Variants in CCDC142 observed in about 807,000 individuals in gnomAD.
CCDC142 encodes coiled-coil domain containing 142.
A neutral mutation model predicts 83.8 loss-of-function variants in CCDC142; 67 were observed. The ratio of observed to expected loss-of-function variants is 0.80; its 90% confidence interval spans 0.66 to 0.98. CCDC142 has a LOEUF of 0.98. Ranked by LOEUF, CCDC142 falls within the 50% of genes least tolerant of loss-of-function variation. The pLI, the probability that CCDC142 is intolerant of heterozygous loss-of-function variation, is 0.00. For missense variants in CCDC142, 905 were observed against 946.8 expected (o/e 0.96, Z 0.58); for synonymous variants, 421 against 421.2 (o/e 1.00, Z 0.01).
chr2:74,481,296 CA>C lies in CCDC142; in HGVS notation c.1184del (p.Leu395CysfsTer32). 6.2e-7 allele frequency: 1 copy of C among 1,614,142 alleles called. No individual in the cohort carries two copies. Among genetic ancestry groups the C allele is most frequent in the Non-Finnish European group, 8.5e-7 (1 of 1,180,026 alleles). On this transcript the variant is annotated frameshift_variant, in exon 3 of 9. Transcript: ENST00000393965. LOFTEE classifies it high-confidence loss of function. The part of the protein sequence containing the change: ...LPTSSGTAEL[L>X]QQLFPPLLDA... ...CCAAGAGAGGAGGAAAGAGCTGCTG[CA>C]AAAGTTCAGCAGTGCCAGAGGATGT...
At position 74,475,325 on chromosome 2, in the gene CCDC142, C is replaced by G. The variant is rs1245856062; in HGVS notation, c.1696G>C (p.Gly566Arg). 1.2e-6 allele frequency: 2 copies of G among 1,613,602 alleles called. No homozygotes were observed. The highest frequency in any genetic ancestry group is 1.7e-6 in the Non-Finnish European group (2 of 1,179,642). The change falls in exon 7 of 9, where the codon GGG (glycine) becomes CGG (arginine). Residue 566 changes from glycine (G) to arginine (R), a missense_variant. By Grantham distance (125) the Gly-to-Arg change is moderately radical (BLOSUM62 -2). Coordinates refer to ENST00000393965, the MANE Select transcript of CCDC142 (RefSeq NM_001365575.2). ...GGGGCCTGGGCTTGAGGTGGCAACC[C>G]TTGCAATCCTTGCAACACAGGCTCC... Reference protein sequence around the residue: ...VLEPVLQGLQGLPPQAQAPAL... With the variant: ...VLEPVLQGLQRLPPQAQAPAL...
At position 74,482,884 on chromosome 2, in the gene CCDC142, C is replaced by A; in HGVS notation, c.-47G>T. 2 of 1,570,834 alleles carry A rather than the reference C, an allele frequency of 1.3e-6. No homozygotes were observed. Among genetic ancestry groups the A allele is most frequent in the Non-Finnish European group, 8.6e-7 (1 of 1,163,256 alleles). ...ACCTAACGATTCCCACTTCCCTGCA[C>A]GGACCAACGCCCGCCGCAGCTCGGA... On this transcript the variant is annotated 5_prime_UTR_variant, in exon 1 of 9. Coordinates refer to ENST00000393965, the MANE Select transcript of CCDC142 (RefSeq NM_001365575.2). The surrounding 1 kb of genome is among the most constrained non-coding windows in gnomAD (Gnocchi z 5.0).
chr2:74,480,640 A>C, intron 5 of CCDC142, 129 bp downstream of exon 5: 2 of 627,554 alleles, frequency 3.2e-6, no homozygotes, highest in Non-Finnish European at 5.4e-6. Flanking sequence ...GAACAGAGCA[A>C]AAAAAGATAC....
At chr2:74,476,751 A>G (rs1672335156) in intron 5 of CCDC142, among the ~76,000 whole-genome samples, 1 of 152,222 alleles carries the variant, frequency 6.6e-6, no homozygotes, top group African/African-American at 2.4e-5. Flanking sequence ...TTTCTGCTCT[A>G]CAGCCCATCT....
In CCDC142 at chr2:74,472,834, GT is replaced by G; in HGVS notation, c.*1711del. The G allele has an allele frequency of 1.5e-6, 1 of 688,152 alleles. No individual in the cohort carries two copies. Among genetic ancestry groups the G allele is most frequent in the South Asian group, 1.9e-5 (1 of 53,874 alleles). The allele number at this position is 688,152 out of a possible 1,614,324, so 42.6% of individuals were successfully genotyped here. ...GAGGAAGGCAGGAAAGAAAGAGGTGGTTTCGGCACAACGCATGGGGGAGCCC... is the reference window on the plus strand; with the variant it reads ...GAGGAAGGCAGGAAAGAAAGAGGTGGTTCGGCACAACGCATGGGGGAGCCC... On this transcript the variant is annotated 3_prime_UTR_variant, in exon 9 of 9. Coordinates refer to ENST00000393965, the MANE Select transcript of CCDC142 (RefSeq NM_001365575.2).
chr2:74,481,620 G>A (rs905195041), intron 1 of CCDC142, 82 bp from the exon 2 acceptor site: 1 of 1,440,096 alleles, frequency 6.9e-7, no homozygotes, highest in African/African-American at 1.4e-5. Context: ...GAGGCAAGAA[G>A]GCATGCTTCC....
intron 5 of CCDC142, among the ~76,000 whole-genome samples, chr2:74,480,444 A>G (rs1318529175): frequency 6.6e-6 from 1 of 152,098 alleles, no homozygotes; most frequent in African/African-American, 2.4e-5. Flanking sequence ...TTCAAAAGTT[A>G]GACACGTGTG....
chr2:74,476,631 C>A (rs1177368059), intron 5 of CCDC142, among the ~76,000 whole-genome samples: 3 of 152,260 alleles, frequency 2.0e-5, no homozygotes, highest in East Asian at 3.9e-4. Context: ...TCTTCACAGC[C>A]CACTCCAGAG....
intron 1 of CCDC142, 123 bp from the exon 2 acceptor site, chr2:74,481,661 GA>G: frequency 7.3e-7 from 1 of 1,369,984 alleles, no homozygotes. Flanking sequence ...TGGAAAGCAA[GA>G]CTTTGCCTTG....
In CCDC142 at chr2:74,475,658, C is replaced by T; in HGVS notation, c.1572G>A (p.Lys524=). ...AGTACCGACCCCGTGGCATGTAGAG[C>T]TTGAAACCTTGCATGGCTTGTTTAT... The part of the protein sequence containing the change: ...ECHKQAMQGF[K]LYMPRGRYWR... Residue 524 remains lysine (K), a synonymous_variant, in exon 6 of 9, where the codon AAG becomes AAA. Transcript: ENST00000393965. 6.2e-7 allele frequency: 1 copy of T among 1,614,132 alleles called. No individual in the cohort carries two copies. Among genetic ancestry groups the T allele is most frequent in the African/African-American group, 1.3e-5 (1 of 75,036 alleles).
chr2:74,481,775 G>T (rs765672193), intron 1 of CCDC142, 42 bp downstream of exon 1: 2 of 1,575,548 alleles, frequency 1.3e-6, no homozygotes, highest in South Asian at 1.2e-5. Flanking sequence ...GGAAGGAAGA[G>T]ACCCCAGCCT....
chr2:74,473,761 GGAT>G lies in CCDC142; in HGVS notation c.*782_*784del, dbSNP rs1417077334. On this transcript the variant is annotated 3_prime_UTR_variant, in exon 9 of 9. Coordinates refer to ENST00000393965, the MANE Select transcript of CCDC142 (RefSeq NM_001365575.2). ...GGATTCCAGGTGCTGGAGTGATCTT[GGAT>G]TTTTTTTTTTTTTTTTTTTTTTTTT... 4 of 122,334 alleles carry G rather than the reference GGAT, an allele frequency of 3.3e-5. No individual in the cohort carries two copies. Among genetic ancestry groups the G allele is most frequent in the South Asian group, 2.7e-4 (1 of 3,680 alleles). The allele number at this position is 122,334 out of a possible 1,614,324, so 7.6% of individuals were successfully genotyped here.
At chr2:74,480,137 A>G (rs1672408959) in intron 5 of CCDC142, among the ~76,000 whole-genome samples, 1 of 152,246 alleles carries the variant, frequency 6.6e-6, no homozygotes, top group African/African-American at 2.4e-5. Flanking sequence ...CACTGTTGCC[A>G]TCAAAAACGA....
At position 74,477,056 on chromosome 2, in the gene CCDC142, T is replaced by G. The variant is rs868060619; in HGVS notation, c.1504-1330A>C. Among the ~76,000 whole-genome samples, 11 of 152,278 alleles carry G rather than the reference T, an allele frequency of 7.2e-5. 1 individual carries two copies. The South Asian group carries it at 2.3e-3, about 32-fold the overall frequency. ...CTGAGGGAATACAAGGTGCAGAGTG[T>G]GTGACAGTCTCTCCCCCACCCACTG... On this transcript the variant is annotated intron_variant, in intron 5 of 8. Coordinates refer to ENST00000393965, the MANE Select transcript of CCDC142 (RefSeq NM_001365575.2).
In CCDC142 at chr2:74,481,529, G is replaced by A. The variant is rs1672461756; in HGVS notation, c.1031C>T (p.Pro344Leu). 1.9e-6 allele frequency: 3 copies of A among 1,614,106 alleles called. No individual in the cohort carries two copies. The highest frequency in any genetic ancestry group is 2.5e-6 in the Non-Finnish European group (3 of 1,179,976). Residue 344 changes from proline (P) to leucine (L), a missense_variant, in exon 2 of 9, where the codon CCT becomes CTT. Pro to Leu is a moderately conservative substitution (Grantham distance 98). Transcript: ENST00000393965. ...TGCCAGCTCCTTCTCACACTCCTGA[G>A]GCAGGGATGCTAGTGGGAGAAATGA... is the stretch of plus-strand genomic sequence containing the variant. ...LSQALGQASL[P>L]QECEKELASL...
chr2:74,479,317 C>T (rs1242935503), intron 5 of CCDC142, among the ~76,000 whole-genome samples: 1 of 152,178 alleles, frequency 6.6e-6, no homozygotes, highest in Admixed American at 6.5e-5. Flanking sequence ...TCTACAGCCA[C>T]ACCCCTATTC....
rs1370594744 is a variant in CCDC142, at chr2:74,473,113, A to G, written c.*1433T>C. On this transcript the variant is annotated 3_prime_UTR_variant, in exon 9 of 9. Transcript: ENST00000393965. ...GTAAACACCATTCAGGTAACTGAAG[A>G]TTAAACGTAGTGAGCTCTGAATAGC... 4 of 235,790 alleles carry G rather than the reference A, an allele frequency of 1.7e-5. No individual in the cohort carries two copies. The Admixed American group carries it at 2.1e-4, about 12-fold the overall frequency. The allele number at this position is 235,790 out of a possible 1,614,324, so 14.6% of individuals were successfully genotyped here. A position where few individuals can be genotyped will look rare whatever the true frequency, so the allele number is the denominator to read the frequency against.
Position 74,482,202 on chromosome 2 carries a change from G to A in CCDC142, c.636C>T (p.Tyr212=), listed in dbSNP as rs767400877. 1 of 1,613,694 alleles carries A rather than the reference G, an allele frequency of 6.2e-7. No homozygotes were observed. Among genetic ancestry groups the A allele is most frequent in the South Asian group, 1.1e-5 (1 of 90,934 alleles). The change falls in exon 1 of 9, where the codon TAC becomes TAT. Residue 212 remains tyrosine, a synonymous_variant. Transcript: ENST00000393965. This position sits in a 1 kb window ranked among gnomAD's most constrained non-coding sequence, Gnocchi z 5.0. ...LAELLFALPA[Y]HTLQRKALSH... ...TCAAGGCTTTTCTCTGTAGTGTGTG[G>A]TAGGCGGGAAGTGCAAAGAGCAGCT...
intron 5 of CCDC142, among the ~76,000 whole-genome samples, chr2:74,477,731 G>A (rs1490411514): frequency 6.6e-6 from 1 of 152,114 alleles, no homozygotes; most frequent in Non-Finnish European, 1.5e-5. Flanking sequence ...CCGTCACTGT[G>A]TGCAGTACTC....
Sources: gnomAD v4.1 joint callset for allele counts (sites outside exome capture counted in the v4.1 genomes callset) on GRCh38, gnomAD v4.1.1 for gene constraint, Gnocchi (gnomAD v3.1) non-coding constraint, MANE v1.5 for transcripts, NCBI Gene and HGNC (gene_info 2026-07-23, HGNC 2026-07-21) for gene names.